TNNI3K: variants seen among roughly 807,000 people sequenced by gnomAD.
The protein encoded by TNNI3K is serine/threonine-protein kinase TNNI3K.
Under a neutral mutation model 114.5 loss-of-function variants are expected in TNNI3K, and 140 were observed. That is an observed-to-expected ratio of 1.22 (90% CI 1.07 to 1.41). The LOEUF (loss-of-function observed/expected upper bound fraction) is 1.41, where lower values mean the gene tolerates loss of function less well. TNNI3K is among the 40% of genes most tolerant of loss of function. TNNI3K has a pLI of 0.00. For missense variants in TNNI3K, 1,125 were observed against 1,007.6 expected (o/e 1.12, Z -1.58); for synonymous variants, 347 against 347.5 (o/e 1.00, Z 0.02).
At chr1:74,454,025 T>G (rs1300228374) in intron 20 of TNNI3K, among the ~76,000 whole-genome samples, 1 of 152,216 alleles carries the variant, frequency 6.6e-6, no homozygotes, top group African/African-American at 2.4e-5. Context: ...CTTGTGCAAT[T>G]TATTTAACCT....
chr1:74,401,851 C>T (rs1332798312), intron 17 of TNNI3K: 1 of 454,290 alleles, frequency 2.2e-6, no homozygotes, highest in Admixed American at 2.4e-5. Flanking sequence ...CTGCCATTAC[C>T]TCTAGGATCT....
intron 5 of TNNI3K, among the ~76,000 whole-genome samples, chr1:74,312,266 T>A (rs892624292): frequency 1.3e-5 from 2 of 152,206 alleles, no homozygotes; most frequent in Non-Finnish European, 2.9e-5. Flanking sequence ...TTAAAAGCAG[T>A]CACCTGCCAA....
chr1:74,445,221 CTT>C (rs71078192), intron 20 of TNNI3K, among the ~76,000 whole-genome samples: 88,536 of 145,498 alleles, frequency 0.61, 31,040 homozygotes, highest in East Asian at 0.81. Flanking sequence ...TTTTTTCTTT[CTT>C]TTTTTTTTTA....
intron 22 of TNNI3K, among the ~76,000 whole-genome samples, chr1:74,490,359 G>T (rs1381183860): frequency 5.3e-5 from 8 of 152,130 alleles, no homozygotes; most frequent in Non-Finnish European, 1.0e-4. Context: ...ACACCTTCAA[G>T]ACTTGAATTT....
chr1:74,265,593 A>G (rs1457721928), intron 4 of TNNI3K, among the ~76,000 whole-genome samples: 2 of 152,094 alleles, frequency 1.3e-5, no homozygotes, highest in African/African-American at 2.4e-5. Context: ...TCATGATTCT[A>G]TAATATATGA....
At chr1:74,357,624 C>T (rs1043451139) in intron 11 of TNNI3K, among the ~76,000 whole-genome samples, 2 of 152,096 alleles carry the variant, frequency 1.3e-5, no homozygotes, top group African/African-American at 2.4e-5. Context: ...TTGCATAGCC[C>T]TTCTAACCTA....
chr1:74,258,015 C>T (rs997450079), intron 4 of TNNI3K, among the ~76,000 whole-genome samples: 12 of 152,130 alleles, frequency 7.9e-5, no homozygotes, highest in Non-Finnish European at 1.8e-4. Flanking sequence ...CACACCTGAA[C>T]ATGGTGCTTA....
chr1:74,467,644 A>G (rs1444733735), intron 21 of TNNI3K, among the ~76,000 whole-genome samples: 1 of 152,112 alleles, frequency 6.6e-6, no homozygotes, highest in Non-Finnish European at 1.5e-5. Flanking sequence ...GTTTGATACA[A>G]AGGATTTATT....
chr1:74,311,590 C>T (rs1252778893), intron 5 of TNNI3K, among the ~76,000 whole-genome samples: 1 of 152,048 alleles, frequency 6.6e-6, no homozygotes, highest in African/African-American at 2.4e-5. Context: ...ATTCCCAGGG[C>T]ACATTTCATG....
At chr1:74,325,600 A>AG (rs1470540287) in intron 5 of TNNI3K, among the ~76,000 whole-genome samples, 8 of 152,182 alleles carry the variant, frequency 5.3e-5, no homozygotes, top group African/African-American at 1.9e-4. Context: ...ATGGGCAATT[A>AG]GGGGGCCTTT....
chr1:74,253,157 T>G (rs181066393), intron 4 of TNNI3K, among the ~76,000 whole-genome samples: 4,336 of 152,220 alleles, frequency 0.028, 81 homozygotes, highest in Non-Finnish European at 0.045. Context: ...AGGGTGCTGA[T>G]GGTGTGTTTA....
chr1:74,252,838 A>G (rs1436005835), intron 4 of TNNI3K, among the ~76,000 whole-genome samples: 2 of 152,174 alleles, frequency 1.3e-5, no homozygotes, highest in Non-Finnish European at 2.9e-5. Flanking sequence ...AGCAGTAGCA[A>G]GATTTATTGC....
At chr1:74,302,100 A>G (rs983446527) in intron 5 of TNNI3K, among the ~76,000 whole-genome samples, 1 of 152,180 alleles carries the variant, frequency 6.6e-6, no homozygotes, top group Non-Finnish European at 1.5e-5. Context: ...AAAAGCCTGT[A>G]CTCATTTCAT....
At chr1:74,384,708 T>C (rs1479740801) in intron 17 of TNNI3K, among the ~76,000 whole-genome samples, 1 of 152,150 alleles carries the variant, frequency 6.6e-6, no homozygotes, top group East Asian at 1.9e-4. Flanking sequence ...GAAAAGAGTA[T>C]GTGGGAACTA....
intron 17 of TNNI3K, among the ~76,000 whole-genome samples, chr1:74,429,021 G>T (rs1000023285): frequency 1.3e-5 from 2 of 152,052 alleles, no homozygotes; most frequent in African/African-American, 4.8e-5. Context: ...CTGTACAATT[G>T]TTATTATGTT....
chr1:74,322,462 T>C (rs1659668410), intron 5 of TNNI3K, among the ~76,000 whole-genome samples: 3 of 129,172 alleles, frequency 2.3e-5, no homozygotes, highest in African/African-American at 3.3e-5. Context: ...TAATTCTACC[T>C]TTTTTTTTTT....
intron 5 of TNNI3K, among the ~76,000 whole-genome samples, chr1:74,312,963 C>A (rs1275275386): frequency 3.3e-5 from 5 of 152,186 alleles, no homozygotes; most frequent in African/African-American, 1.2e-4. Context: ...CATGGAAAGG[C>A]TCAGTTCTGT....
intron 4 of TNNI3K, among the ~76,000 whole-genome samples, chr1:74,268,133 C>G (rs1281748387): frequency 6.6e-6 from 1 of 151,882 alleles, no homozygotes; most frequent in Non-Finnish European, 1.5e-5. Flanking sequence ...GAATATTTCT[C>G]CAACTCGTCA....
intron 4 of TNNI3K, 65 bp downstream of exon 4, chr1:74,250,834 T>TTG: frequency 7.6e-7 from 1 of 1,317,568 alleles, no homozygotes; most frequent in Non-Finnish European, 1.0e-6. Flanking sequence ...CTTTAGGCTT[T>TTG]TTTTTTTTTT....
Sources: allele counts gnomAD v4.1 joint callset (sites outside exome capture counted in the v4.1 genomes callset), GRCh38; gene constraint gnomAD v4.1.1; transcripts MANE v1.5; gene names NCBI Gene and HGNC (gene_info 2026-07-23, HGNC 2026-07-21).